Variants in CADM2 observed in about 807,000 individuals in gnomAD.
CADM2 encodes cell adhesion molecule 2, also known as immunoglobulin superfamily member 4D.
In CADM2, 12 loss-of-function variants were observed where a neutral mutation model predicts 49.8. That is an observed-to-expected ratio of 0.24 (90% CI 0.15 to 0.39). CADM2 has a LOEUF of 0.39. Ranked by LOEUF, CADM2 falls within the 10% of genes least tolerant of loss-of-function variation. The probability of loss-of-function intolerance (pLI) is 1.00; values close to 1 mark genes in which losing one functional copy is unlikely to be tolerated. For synonymous variants in CADM2, 214 were observed against 175.4 expected (o/e 1.22, Z -1.74); for missense variants, 378 against 492.3 (o/e 0.77, Z 2.20).
At chr3:85,312,568 G>A (rs548649583) in intron 1 of CADM2, among the ~76,000 whole-genome samples, 2 of 151,882 alleles carry the variant, frequency 1.3e-5, no homozygotes, top group African/African-American at 4.8e-5. Flanking sequence ...TTCTCCACTT[G>A]GAATGTTTAC....
intron 1 of CADM2, among the ~76,000 whole-genome samples, chr3:84,999,502 A>G (rs570324391): frequency 6.6e-6 from 1 of 152,268 alleles, no homozygotes; most frequent in South Asian, 2.1e-4. Context: ...GATGGTACTT[A>G]TGTACTCTGT....
chr3:86,026,178 G>A (rs1216058842), intron 8 of CADM2, among the ~76,000 whole-genome samples: 2 of 152,108 alleles, frequency 1.3e-5, no homozygotes, highest in African/African-American at 4.8e-5. Flanking sequence ...TAGTTTCAAA[G>A]TCTCACAACT....
At chr3:85,853,462 A>G (rs1371051460) in intron 3 of CADM2, among the ~76,000 whole-genome samples, 3 of 152,094 alleles carry the variant, frequency 2.0e-5, no homozygotes, top group African/African-American at 7.2e-5. Context: ...TCAAAGCCTT[A>G]AATGTATCAA....
intron 3 of CADM2, among the ~76,000 whole-genome samples, chr3:85,810,751 G>T (rs556864188): frequency 2.6e-5 from 4 of 151,740 alleles, no homozygotes; most frequent in African/African-American, 9.7e-5. Context: ...TGTTGACCAC[G>T]CTGGTCTCGA....
chr3:85,845,992 G>T (rs2074862279), intron 3 of CADM2, among the ~76,000 whole-genome samples: 1 of 152,026 alleles, frequency 6.6e-6, no homozygotes, highest in Admixed American at 6.6e-5. Flanking sequence ...TTGGTGGTGG[G>T]TCTGCCTGGG....
At chr3:85,847,832 A>T (rs990924855) in intron 3 of CADM2, among the ~76,000 whole-genome samples, 5 of 152,162 alleles carry the variant, frequency 3.3e-5, no homozygotes, top group African/African-American at 1.2e-4. Flanking sequence ...TAGATTATCA[A>T]TTATTTGCTA....
intron 1 of CADM2, among the ~76,000 whole-genome samples, chr3:85,284,383 A>C (rs1273023586): frequency 6.6e-6 from 1 of 152,120 alleles, no homozygotes; most frequent in Admixed American, 6.6e-5. Flanking sequence ...CATATATAAT[A>C]AACACACCCA....
intron 2 of CADM2, among the ~76,000 whole-genome samples, chr3:85,767,568 T>A (rs1162746426): frequency 2.6e-5 from 4 of 152,212 alleles, no homozygotes; most frequent in Admixed American, 2.6e-4. Flanking sequence ...CGTGATCTTT[T>A]ATTCTATCAC....
intron 1 of CADM2, among the ~76,000 whole-genome samples, chr3:85,126,262 T>C (rs995825477): frequency 3.3e-5 from 5 of 152,142 alleles, no homozygotes; most frequent in African/African-American, 1.2e-4. Context: ...GAATTTAAAA[T>C]AATTCTTGTC....
At chr3:85,921,990 G>A (rs532905836) in intron 6 of CADM2, among the ~76,000 whole-genome samples, 109 of 152,174 alleles carry the variant, frequency 7.2e-4, no homozygotes, top group African/African-American at 2.6e-3. Flanking sequence ...TTTTTCACCA[G>A]TACCTTACTG....
At chr3:85,138,893 T>G (rs1431570981) in intron 1 of CADM2, among the ~76,000 whole-genome samples, 3 of 152,190 alleles carry the variant, frequency 2.0e-5, no homozygotes, top group Non-Finnish European at 4.4e-5. Flanking sequence ...ATTTTATGAT[T>G]CTAAAGGCCA....
chr3:84,976,587 A>G (rs1178797571), intron 1 of CADM2, among the ~76,000 whole-genome samples: 1 of 151,866 alleles, frequency 6.6e-6, no homozygotes, highest in Non-Finnish European at 1.5e-5. Flanking sequence ...TCTTAGAAGT[A>G]AAGTTAGACA....
chr3:85,894,554 A>G (rs1222045237), intron 5 of CADM2, among the ~76,000 whole-genome samples: 1 of 152,170 alleles, frequency 6.6e-6, no homozygotes, highest in Non-Finnish European at 1.5e-5. Context: ...GTGCATAAGT[A>G]ATTAGGAGCC....
At chr3:85,003,920 A>G (rs1366456908) in intron 1 of CADM2, among the ~76,000 whole-genome samples, 1 of 152,134 alleles carries the variant, frequency 6.6e-6, no homozygotes, top group East Asian at 1.9e-4. Context: ...ATAAGAAGCT[A>G]ATTTAAATTT....
At chr3:85,343,522 C>T (rs1418597188) in intron 1 of CADM2, among the ~76,000 whole-genome samples, 1 of 152,082 alleles carries the variant, frequency 6.6e-6, no homozygotes, top group Non-Finnish European at 1.5e-5. Flanking sequence ...ACTCATTTCA[C>T]CCTTTGAAAT....
intron 1 of CADM2, among the ~76,000 whole-genome samples, chr3:85,514,671 T>C (rs2060850700): frequency 6.6e-6 from 1 of 152,106 alleles, no homozygotes; most frequent in Non-Finnish European, 1.5e-5. Flanking sequence ...ATATGAACAA[T>C]TTGAGGCTAT....
intron 1 of CADM2, among the ~76,000 whole-genome samples, chr3:85,500,866 G>C (rs2040087152): frequency 6.6e-6 from 1 of 151,988 alleles, no homozygotes; most frequent in African/African-American, 2.4e-5. Flanking sequence ...GATTATGTTT[G>C]CCATGCAGTC....
Position 84,975,415 on chromosome 3 carries a change from T to C in CADM2, c.61+15747T>C, listed in dbSNP as rs146163163. Among the ~76,000 whole-genome samples the C allele has an allele frequency of 1.9e-4, 29 of 151,960 alleles. No individual in the cohort carries two copies. In the East Asian group the frequency reaches 5.6e-3, roughly 29 times the overall value. On this transcript the variant is annotated intron_variant, in intron 1 of 9. Coordinates refer to ENST00000383699, the MANE Select transcript of CADM2 (RefSeq NM_001167675.2). The stretch of plus-strand genomic sequence containing the variant: ...TTTCATCAAAAATCATCCGGTGTAC[T>C]GTATAAGCAATTGTAAGTTACGTTT...
At chr3:85,325,367 C>G (rs750246968) in intron 1 of CADM2, among the ~76,000 whole-genome samples, 1 of 152,096 alleles carries the variant, frequency 6.6e-6, no homozygotes, top group African/African-American at 2.4e-5. Context: ...AATTTAATTT[C>G]TTCTCATCCT....
Sources: allele counts gnomAD v4.1 joint callset (sites outside exome capture counted in the v4.1 genomes callset), GRCh38; gene constraint gnomAD v4.1.1; transcripts MANE v1.5; gene names NCBI Gene and HGNC (gene_info 2026-07-23, HGNC 2026-07-21).